PALLD: variants seen among roughly 807,000 people sequenced by gnomAD.
The protein encoded by PALLD is palladin.
PALLD carries 61 observed loss-of-function variants against 123.5 expected under a neutral mutation model. That is an observed-to-expected ratio of 0.49 (90% CI 0.40 to 0.61). The LOEUF is 0.61. PALLD is among the 20% of genes least tolerant of loss of function. The pLI is 0.00. For synonymous variants in PALLD, 465 were observed against 496.4 expected (o/e 0.94, Z 0.84); for missense variants, 1,273 against 1,377.0 (o/e 0.92, Z 1.20).
intron 10 of PALLD, among the ~76,000 whole-genome samples, chr4:168,757,870 G>A (rs528360872): frequency 3.9e-4 from 59 of 152,278 alleles, no homozygotes; most frequent in African/African-American, 1.3e-3. Flanking sequence ...TCAGGAGTTC[G>A]AGACCAGCCT....
rs1349994558 is a variant in PALLD at position 168,927,884 on chromosome 4, T to C, written c.*1704T>C. ...GTACTTTGCTATGAAAAGAAAACACTGTATTCCTTATGCAAAACACATGTA... is the reference window on the plus strand; with the variant it reads ...GTACTTTGCTATGAAAAGAAAACACCGTATTCCTTATGCAAAACACATGTA... On this transcript the variant is annotated 3_prime_UTR_variant, in exon 22 of 22. Coordinates refer to ENST00000505667, the MANE Select transcript of PALLD (RefSeq NM_001166108.2). 2 of 207,472 alleles carry C rather than the reference T, an allele frequency of 9.6e-6. No homozygotes were observed. Among genetic ancestry groups the C allele is most frequent in the Non-Finnish European group, 2.0e-5 (2 of 101,606 alleles). The allele number at this position is 207,472 out of a possible 1,614,324, so 12.9% of individuals were successfully genotyped here.
At chr4:168,617,258 T>C (rs970506115) in intron 2 of PALLD, among the ~76,000 whole-genome samples, 1 of 152,160 alleles carries the variant, frequency 6.6e-6, no homozygotes, top group African/African-American at 2.4e-5. Flanking sequence ...CATTTTGGTG[T>C]TTTGTTTTCA....
chr4:168,920,998 G>A (rs566481677), intron 17 of PALLD, among the ~76,000 whole-genome samples: 2 of 152,124 alleles, frequency 1.3e-5, no homozygotes, highest in South Asian at 4.1e-4. Flanking sequence ...ATCCCATCTC[G>A]GTCTTCTCTA....
intron 2 of PALLD, among the ~76,000 whole-genome samples, chr4:168,605,677 G>A (rs1361730904): frequency 2.0e-5 from 3 of 152,154 alleles, no homozygotes; most frequent in African/African-American, 4.8e-5. Flanking sequence ...GTGCATCTGC[G>A]GACCAGCGGC....
chr4:168,669,420 A>C (rs1471178382), intron 3 of PALLD, among the ~76,000 whole-genome samples: 1 of 150,340 alleles, frequency 6.7e-6, no homozygotes. Flanking sequence ...ACAAAACAAA[A>C]CAAAAAAACA....
chr4:168,695,114 A>G (rs562553109), intron 8 of PALLD, among the ~76,000 whole-genome samples: 24 of 152,240 alleles, frequency 1.6e-4, no homozygotes, highest in Non-Finnish European at 2.9e-4. Context: ...ATATAAAAGT[A>G]TATTGCCTCC....
chr4:168,631,277 C>A (rs1775772190), intron 2 of PALLD, among the ~76,000 whole-genome samples: 1 of 152,214 alleles, frequency 6.6e-6, no homozygotes, highest in Admixed American at 6.5e-5. Context: ...TTTCTTTTAT[C>A]AGTAATACAA....
chr4:168,872,477 T>A (rs1168947811), intron 10 of PALLD, among the ~76,000 whole-genome samples: 2 of 152,250 alleles, frequency 1.3e-5, no homozygotes, highest in African/African-American at 4.8e-5. Flanking sequence ...CCTTTTGCAA[T>A]ACATTTTAAA....
intron 15 of PALLD, among the ~76,000 whole-genome samples, chr4:168,907,763 C>G (rs1352694011): frequency 6.6e-6 from 1 of 152,094 alleles, no homozygotes; most frequent in Non-Finnish European, 1.5e-5. Context: ...CCAAGAACAG[C>G]CCTCCTAATA....
chr4:168,828,877 C>T (rs1054501344), intron 10 of PALLD: 7 of 152,232 alleles, frequency 4.6e-5, no homozygotes, highest in Admixed American at 1.3e-4. Flanking sequence ...TCACTCCTGA[C>T]GAAATAAAAG....
intron 10 of PALLD, among the ~76,000 whole-genome samples, chr4:168,749,406 TAA>T (rs33999722): frequency 0.042 from 6,094 of 146,530 alleles, 412 homozygotes; most frequent in East Asian, 0.31. Context: ...CTATCACCTT[TAA>T]AAAAAAAAAA....
chr4:168,722,701 C>T (rs886795618), intron 10 of PALLD, among the ~76,000 whole-genome samples: 2 of 152,160 alleles, frequency 1.3e-5, no homozygotes, highest in African/African-American at 4.8e-5. Flanking sequence ...ATTCAGTGAG[C>T]ATGGTTTCAT....
intron 10 of PALLD, among the ~76,000 whole-genome samples, chr4:168,854,095 T>G (rs1034009366): frequency 1.3e-5 from 2 of 152,194 alleles, no homozygotes; most frequent in African/African-American, 4.8e-5. Context: ...AAGATTAAAT[T>G]TGTCTAGAGT....
At chr4:168,922,189 C>T (rs1422379534) in intron 18 of PALLD, among the ~76,000 whole-genome samples, 3 of 151,416 alleles carry the variant, frequency 2.0e-5, no homozygotes, top group Non-Finnish European at 4.4e-5. Context: ...TAGTCATTGT[C>T]AAACTACACT....
At chr4:168,634,931 C>T (rs1389469061) in intron 2 of PALLD, among the ~76,000 whole-genome samples, 5 of 152,004 alleles carry the variant, frequency 3.3e-5, no homozygotes, top group Non-Finnish European at 7.4e-5. Context: ...CTTGACCTCT[C>T]CATTATTTCT....
At chr4:168,874,911 G>C (rs60806286) in intron 10 of PALLD, among the ~76,000 whole-genome samples, 8,197 of 152,100 alleles carry the variant, frequency 0.054, 278 homozygotes, top group Middle Eastern at 0.078. Context: ...TTTTGAATTA[G>C]GGGTATGGAG....
chr4:168,887,307 T>C (rs896901455), intron 10 of PALLD, among the ~76,000 whole-genome samples: 2 of 152,110 alleles, frequency 1.3e-5, no homozygotes, highest in African/African-American at 4.8e-5. Flanking sequence ...TACTGAGAAA[T>C]GCTTCCCAAG....
chr4:168,702,519 A>G (rs922669259), intron 8 of PALLD, among the ~76,000 whole-genome samples: 1 of 152,148 alleles, frequency 6.6e-6, no homozygotes, highest in African/African-American at 2.4e-5. Flanking sequence ...GCACCATTGC[A>G]CTCCAGCCTG....
intron 2 of PALLD, among the ~76,000 whole-genome samples, chr4:168,643,425 G>A (rs986912331): frequency 7.2e-5 from 11 of 152,178 alleles, no homozygotes; most frequent in African/African-American, 2.7e-4. Flanking sequence ...CCCTGTTTAA[G>A]ATCTTGCTGT....
Sources: allele counts gnomAD v4.1 joint callset (sites outside exome capture counted in the v4.1 genomes callset), GRCh38; gene constraint gnomAD v4.1.1; transcripts MANE v1.5; gene names NCBI Gene and HGNC (gene_info 2026-07-23, HGNC 2026-07-21).